The following ABCB11 variants were observed in gnomAD, a reference collection of about 807,000 sequenced individuals.
ABCB11 encodes bile salt export pump.
Under a neutral mutation model 148.0 loss-of-function variants are expected in ABCB11, and 95 were observed. That is an observed-to-expected ratio of 0.64 (90% confidence interval 0.54 to 0.76). The LOEUF (loss-of-function observed/expected upper bound fraction) is 0.76, where lower values mean the gene tolerates loss of function less well. Ranked by LOEUF, ABCB11 falls within the 30% of genes least tolerant of loss-of-function variation. ABCB11 has a pLI of 0.00. For missense variants in ABCB11, 1,523 were observed against 1,617.8 expected (o/e 0.94, Z 1.01); for synonymous variants, 591 against 555.4 (o/e 1.06, Z -0.90).
chr2:168,938,291 CAG>C (rs1227800013), intron 21 of ABCB11, among the ~76,000 whole-genome samples: 1 of 152,102 alleles, frequency 6.6e-6, no homozygotes, highest in African/African-American at 2.4e-5. Context: ...TGAATGTCCA[CAG>C]ACAGATGAAT....
At chr2:168,996,588 T>G in intron 6 of ABCB11, 47 bp downstream of exon 6, 1 of 1,174,114 alleles carries the variant, frequency 8.5e-7, no homozygotes, top group African/African-American at 1.6e-5. Flanking sequence ...TTGTAGTGTC[T>G]TTGAGGTCAG....
chr2:168,928,263 A>G (rs949977415), intron 25 of ABCB11, among the ~76,000 whole-genome samples: 3 of 152,188 alleles, frequency 2.0e-5, no homozygotes, highest in African/African-American at 7.2e-5. Flanking sequence ...GCAAAACACA[A>G]TTTAATAATT....
At chr2:169,004,207 A>G (rs766027164) in intron 5 of ABCB11, among the ~76,000 whole-genome samples, 1 of 152,198 alleles carries the variant, frequency 6.6e-6, no homozygotes, top group Non-Finnish European at 1.5e-5. Context: ...TCCCTAGACA[A>G]AAGATCTTCC....
intron 23 of ABCB11, among the ~76,000 whole-genome samples, chr2:168,934,452 C>T (rs148882041): frequency 3.3e-5 from 5 of 152,304 alleles, no homozygotes; most frequent in African/African-American, 9.6e-5. Flanking sequence ...CACCCTTAGG[C>T]TTTCACCTCT....
At chr2:168,930,627 G>A (rs373226303) in intron 25 of ABCB11, 38 bp downstream of exon 25, 17 of 1,454,884 alleles carry the variant, frequency 1.2e-5, no homozygotes, top group African/African-American at 1.4e-5. Context: ...GAAATACTCT[G>A]CAGAAGGCAA....
Position 168,986,420 on chromosome 2 carries a change from A to G in ABCB11, c.909-136T>C, listed in dbSNP as rs1458669715. Reference sequence around the variant, plus strand: ...ACACAGAGCAGCTTCAGGGAGAAAAATCTCCAATAACCTTTATGTAGTTTT... The same window carrying G: ...ACACAGAGCAGCTTCAGGGAGAAAAGTCTCCAATAACCTTTATGTAGTTTT... On this transcript the variant is annotated intron_variant, in intron 9 of 27. Coordinates refer to ENST00000650372, the MANE Select transcript of ABCB11 (RefSeq NM_003742.4). 70 of 735,948 alleles carry G rather than the reference A, an allele frequency of 9.5e-5. 1 individual carries two copies. In the East Asian group the frequency reaches 1.8e-3, roughly 19 times the overall value. 45.6% of individuals were successfully genotyped at this position (735,948 alleles called of 1,614,324 possible).
Position 169,018,095 on chromosome 2 carries a change from T to C in ABCB11, c.31A>G (p.Lys11Glu). Residue 11 changes from lysine to glutamate, a missense_variant, in exon 2 of 28, where the codon AAG (lysine) becomes GAG (glutamate). Coordinates refer to ENST00000650372, the MANE Select transcript of ABCB11 (RefSeq NM_003742.4). MSDSVILRSI[K>E]KFGEENDGFE... ...CCATCATTCTCCTCTCCAAATTTCT[T>C]TATACTTCGAAGAATTACTGAGTCA... 6.2e-7 allele frequency: 1 copy of C among 1,613,636 alleles called. No individual in the cohort carries two copies. The highest frequency in any genetic ancestry group is 8.5e-7 in the Non-Finnish European group (1 of 1,179,676).
intron 14 of ABCB11, 58 bp from the exon 15 acceptor site, chr2:168,970,273 G>C: frequency 6.4e-7 from 1 of 1,571,012 alleles, no homozygotes. Context: ...TTCTGACAGT[G>C]ATCCACTATA....
intron 10 of ABCB11, among the ~76,000 whole-genome samples, chr2:168,984,255 T>C (rs1321472334): frequency 2.0e-5 from 3 of 152,160 alleles, no homozygotes; most frequent in African/African-American, 7.2e-5. Flanking sequence ...AGCATGTCTC[T>C]ATTTGTCTGT....
chr2:168,996,327 T>G (rs1282566916), intron 6 of ABCB11, among the ~76,000 whole-genome samples: 1 of 152,002 alleles, frequency 6.6e-6, no homozygotes, highest in East Asian at 1.9e-4. Context: ...GCTACTCAAC[T>G]GCCCCCTACA....
chr2:168,935,445 CTT>C lies in ABCB11; in HGVS notation c.2815-22_2815-21del. The C allele has an allele frequency of 6.2e-7, 1 of 1,601,730 alleles. No homozygotes were observed. Among genetic ancestry groups the C allele is most frequent in the Non-Finnish European group, 8.5e-7 (1 of 1,172,698 alleles). On this transcript the variant is annotated intron_variant, in intron 22 of 27. Transcript: ENST00000650372. ...TGTAATCTGAAGATTGAAAAAGAGT[CTT>C]AGGAATACAAGGGCAGAAATAACTC...
At chr2:168,966,037 C>T (rs1693302265) in intron 17 of ABCB11, among the ~76,000 whole-genome samples, 1 of 151,858 alleles carries the variant, frequency 6.6e-6, no homozygotes, top group South Asian at 2.1e-4. Flanking sequence ...CTCAACGCTA[C>T]TCCCTGCCAC....
chr2:168,965,102 G>T (rs1693241541), intron 17 of ABCB11, among the ~76,000 whole-genome samples: 1 of 151,882 alleles, frequency 6.6e-6, no homozygotes, highest in Non-Finnish European at 1.5e-5. Flanking sequence ...GAAATGTATG[G>T]CAGGTGTTAC....
intron 13 of ABCB11, among the ~76,000 whole-genome samples, chr2:168,973,262 C>T (rs2389606): frequency 0.57 from 86,274 of 151,800 alleles, 24,838 homozygotes; most frequent in East Asian, 0.75. Context: ...GGTTTCATCA[C>T]TGGCAAACAT....
At chr2:169,027,908 A>G (rs919993162) in intron 1 of ABCB11, among the ~76,000 whole-genome samples, 16 of 151,310 alleles carry the variant, frequency 1.1e-4, no homozygotes, top group Non-Finnish European at 2.2e-4. Flanking sequence ...AGAATTGAAG[A>G]AAAAAAAAGG....
intron 14 of ABCB11, among the ~76,000 whole-genome samples, chr2:168,971,021 A>G (rs1693557324): frequency 6.6e-6 from 1 of 152,048 alleles, no homozygotes; most frequent in Non-Finnish European, 1.5e-5. Flanking sequence ...AATCCTATTC[A>G]TAAAGAGAAT....
chr2:168,939,812 G>C (rs1269916817), intron 21 of ABCB11, among the ~76,000 whole-genome samples: 1 of 151,934 alleles, frequency 6.6e-6, no homozygotes, highest in African/African-American at 2.4e-5. Flanking sequence ...TTTTTCCAAT[G>C]GTATGTGTTC....
At chr2:169,014,035 G>T (rs1340003394) in intron 4 of ABCB11, among the ~76,000 whole-genome samples, 1 of 152,130 alleles carries the variant, frequency 6.6e-6, no homozygotes, top group East Asian at 1.9e-4. Context: ...TTGTTGTGAT[G>T]ACTTTCCTTA....
chr2:168,941,087 C>A (rs1319297338), intron 21 of ABCB11, among the ~76,000 whole-genome samples: 4 of 152,040 alleles, frequency 2.6e-5, no homozygotes, highest in Admixed American at 1.3e-4. Context: ...GTTAACCCAA[C>A]ATGAATTCTG....
Sources: allele counts gnomAD v4.1 joint callset (sites outside exome capture counted in the v4.1 genomes callset), GRCh38; gene constraint gnomAD v4.1.1; transcripts MANE v1.5; gene names NCBI Gene and HGNC (gene_info 2026-07-23, HGNC 2026-07-21).